The following OXR1 variants were observed in gnomAD, a reference collection of about 807,000 sequenced individuals.
OXR1 encodes the protein oxidation resistance 1, also known as oxidation resistance protein 1.
Under a neutral mutation model 104.6 loss-of-function variants are expected in OXR1, and 41 were observed. The observed-to-expected ratio is 0.39, with a 90% CI of 0.31 to 0.51. The LOEUF (loss-of-function observed/expected upper bound fraction) is 0.51. Ranked by LOEUF, OXR1 falls within the 20% of genes least tolerant of loss-of-function variation. The pLI, the probability that OXR1 is intolerant of heterozygous loss-of-function variation, is 0.77. For synonymous variants in OXR1, 348 were observed against 348.4 expected, an observed-to-expected ratio of 1.00 and a Z score of 0.01; for missense variants, 955 against 1,031.9, an observed-to-expected ratio of 0.93 and a Z score of 1.02.
At chr8:106,465,751 T>A (rs1009523138) in intron 2 of OXR1, among the ~76,000 whole-genome samples, 1 of 151,944 alleles carries the variant, frequency 6.6e-6, no homozygotes, top group African/African-American at 2.4e-5. Flanking sequence ...ATGAGAAACA[T>A]CATGACCTGT....
chr8:106,643,867 A>T (rs1002937692), intron 3 of OXR1, among the ~76,000 whole-genome samples: 1 of 152,180 alleles, frequency 6.6e-6, no homozygotes, highest in African/African-American at 2.4e-5. Context: ...CTCATGTCTT[A>T]TGGTTAAGGT....
intron 3 of OXR1, among the ~76,000 whole-genome samples, chr8:106,657,289 G>A (rs1187812949): frequency 2.0e-5 from 3 of 150,332 alleles, no homozygotes; most frequent in Non-Finnish European, 4.4e-5. Flanking sequence ...GCAGTCTTAC[G>A]TTGAAGGTAT....
At chr8:106,379,508 T>C (rs1452127319) in intron 2 of OXR1, among the ~76,000 whole-genome samples, 1 of 151,298 alleles carries the variant, frequency 6.6e-6, no homozygotes, top group Non-Finnish European at 1.5e-5. Flanking sequence ...AATAAGCCTG[T>C]ATTCTTTTTT....
intron 3 of OXR1, among the ~76,000 whole-genome samples, chr8:106,634,386 G>T (rs1043252228): frequency 1.3e-5 from 2 of 152,136 alleles, no homozygotes; most frequent in Non-Finnish European, 2.9e-5. Flanking sequence ...GAGTAAAAAG[G>T]TTACAAAATC....
Position 106,292,576 on chromosome 8 carries a change from C to T in OXR1, c.-139+22209C>T, listed in dbSNP as rs937663255. ...CGGTTTCAGGTATCCATTGGTGGGT[C>T]TTGGAATGTATTCCTCTGCAGATAA... On this transcript the variant is annotated intron_variant, in intron 1 of 16. Transcript: ENST00000517566. 9.2e-5 allele frequency among the ~76,000 whole-genome samples: 14 copies of T among 152,172 alleles called. No homozygotes were observed. The East Asian group carries it at 1.9e-3, about 21-fold the overall frequency.
At chr8:106,511,536 T>C (rs1812526753) in intron 2 of OXR1, among the ~76,000 whole-genome samples, 1 of 119,730 alleles carries the variant, frequency 8.4e-6, no homozygotes, top group Non-Finnish European at 1.9e-5. Flanking sequence ...CACACACACA[T>C]ACACACACAC....
chr8:106,366,020 A>G (rs534159489), intron 2 of OXR1, among the ~76,000 whole-genome samples: 23 of 152,300 alleles, frequency 1.5e-4, no homozygotes, highest in Admixed American at 2.6e-4. Context: ...AAAGCCTACT[A>G]GACCTGTAAC....
chr8:106,688,052 C>T (rs1168498237), intron 6 of OXR1, among the ~76,000 whole-genome samples: 1 of 152,070 alleles, frequency 6.6e-6, no homozygotes, highest in Non-Finnish European at 1.5e-5. Flanking sequence ...TCCTAAGATT[C>T]TTTAAATCTC....
intron 2 of OXR1, among the ~76,000 whole-genome samples, chr8:106,431,618 T>C (rs564483866): frequency 2.6e-5 from 4 of 152,338 alleles, no homozygotes; most frequent in African/African-American, 9.6e-5. Context: ...CTGTCTTCTT[T>C]CTCTCCCAGG....
intron 1 of OXR1, among the ~76,000 whole-genome samples, chr8:106,290,071 G>T (rs1184316242): frequency 6.6e-6 from 1 of 152,086 alleles, no homozygotes; most frequent in Non-Finnish European, 1.5e-5. Context: ...CCAGTCTCAG[G>T]TATTTCTTCA....
chr8:106,511,173 T>C lies in OXR1; in HGVS notation c.24-7770T>C, dbSNP rs1191488762. On this transcript the variant is annotated intron_variant, in intron 2 of 16. Transcript: ENST00000517566. ...TGAACATGCTTGGGTTTTGCTGATT[T>C]TATGGTTTGTTTTTAGCTGCTGATT... Among the ~76,000 whole-genome samples, 5 of 152,326 alleles carry C rather than the reference T, an allele frequency of 3.3e-5. No individual in the cohort carries two copies. In the South Asian group the frequency reaches 1.0e-3, roughly 32 times the overall value.
At chr8:106,732,268 G>A (rs760650760) in intron 11 of OXR1, among the ~76,000 whole-genome samples, 4 of 151,974 alleles carry the variant, frequency 2.6e-5, no homozygotes, top group Non-Finnish European at 5.9e-5. Flanking sequence ...TAGAGTTTTG[G>A]TTGATTCTTT....
intron 2 of OXR1, among the ~76,000 whole-genome samples, chr8:106,442,227 A>G (rs1438895442): frequency 5.9e-5 from 9 of 152,080 alleles, no homozygotes; most frequent in Admixed American, 3.9e-4. Context: ...ATTGATTTGC[A>G]TATGTTGAAC....
intron 3 of OXR1, among the ~76,000 whole-genome samples, chr8:106,616,822 C>T (rs1182502133): frequency 2.6e-5 from 4 of 152,158 alleles, no homozygotes; most frequent in African/African-American, 9.7e-5. Flanking sequence ...TTTAAATTTA[C>T]CCCTGAAGCC....
intron 7 of OXR1, among the ~76,000 whole-genome samples, chr8:106,701,196 C>T (rs1282250183): frequency 2.0e-5 from 3 of 152,108 alleles, no homozygotes; most frequent in East Asian, 1.9e-4. Context: ...AGGTGGTCCA[C>T]GTCCTCAACT....
At chr8:106,584,144 A>G (rs1333667385) in intron 3 of OXR1, among the ~76,000 whole-genome samples, 2 of 152,062 alleles carry the variant, frequency 1.3e-5, no homozygotes, top group African/African-American at 4.8e-5. Context: ...TAGGAAGTTA[A>G]AGGTATAATT....
At chr8:106,387,846 T>A (rs1179609198) in intron 2 of OXR1, among the ~76,000 whole-genome samples, 1 of 152,236 alleles carries the variant, frequency 6.6e-6, no homozygotes, top group Non-Finnish European at 1.5e-5. Flanking sequence ...ACTAAGCTGG[T>A]GACTTAAAGG....
chr8:106,742,290 T>C lies in OXR1; in HGVS notation c.2385T>C (p.Phe795=), dbSNP rs768187534. 5.0e-6 allele frequency: 8 copies of C among 1,608,834 alleles called. No individual in the cohort carries two copies. Among genetic ancestry groups the C allele is most frequent in the Non-Finnish European group, 6.8e-6 (8 of 1,175,670 alleles). Residue 795 remains phenylalanine (F), a synonymous_variant, in exon 15 of 17, where the codon TTT becomes TTC. Coordinates refer to ENST00000517566, the MANE Select transcript of OXR1 (RefSeq NM_001198533.2). ...SDGFYGTGET[F]VFTFCPEFEV... ...GCTTTTATGGTACTGGAGAGACCTT[T>C]GTTTTTACATTCTGTCCGGAGTTTG...
intron 3 of OXR1, among the ~76,000 whole-genome samples, chr8:106,677,252 C>T (rs138864920): frequency 7.9e-5 from 12 of 151,382 alleles, no homozygotes; most frequent in African/African-American, 1.7e-4. Context: ...AAAAATAAAT[C>T]GAATTTTATT....
Sources: allele counts gnomAD v4.1 joint callset (sites outside exome capture counted in the v4.1 genomes callset), GRCh38; gene constraint gnomAD v4.1.1; transcripts MANE v1.5; gene names NCBI Gene and HGNC (gene_info 2026-07-23, HGNC 2026-07-21).